FAM53C: variants seen among roughly 807,000 people sequenced by gnomAD.
FAM53C encodes the protein family with sequence similarity 53 member C, also known as protein FAM53C.
Under a neutral mutation model 34.7 loss-of-function variants are expected in FAM53C, and 10 were observed. That is an observed-to-expected ratio of 0.29 (90% confidence interval 0.18 to 0.49). The LOEUF (loss-of-function observed/expected upper bound fraction) is 0.49, where lower values mean the gene tolerates loss of function less well. Ranked by LOEUF, FAM53C falls within the 20% of genes least tolerant of loss-of-function variation. FAM53C has a pLI of 0.99. For synonymous variants in FAM53C, 203 were observed against 203.6 expected (o/e 1.00, Z 0.03); for missense variants, 442 against 515.3 (o/e 0.86, Z 1.38).
Position 138,348,954 on chromosome 5 carries a change from G to T in FAM53C, c.*1995G>T, listed in dbSNP as rs1028801449. The stretch of plus-strand genomic sequence containing the variant: ...TTCCAACAGGTTACTGGCAATGCCA[G>T]TGAGTTTCTGTAGGCCCTAAGCTGA... On this transcript the variant is annotated 3_prime_UTR_variant, in exon 5 of 5. Transcript: ENST00000239906. 5 of 152,302 alleles carry T rather than the reference G, an allele frequency of 3.3e-5. No individual in the cohort carries two copies. Among genetic ancestry groups the T allele is most frequent in the African/African-American group, 1.2e-4 (5 of 41,476 alleles). The allele number at this position is 152,302 out of a possible 1,614,324, so 9.4% of individuals were successfully genotyped here.
intron 1 of FAM53C, among the ~76,000 whole-genome samples, chr5:138,338,843 G>T (rs1030731597): frequency 6.6e-6 from 1 of 152,236 alleles, no homozygotes. Flanking sequence ...CTCCCCAGGA[G>T]GTGTGGGGCT....
At position 138,348,707 on chromosome 5, in the gene FAM53C, A is replaced by G. The variant is rs1219481441; in HGVS notation, c.*1748A>G. On this transcript the variant is annotated 3_prime_UTR_variant, in exon 5 of 5. Coordinates refer to ENST00000239906, the MANE Select transcript of FAM53C (RefSeq NM_016605.3). ...CTCTGGCCCTCAGAGGCTCCTCCCT[A>G]TCTCCTGGCTAGTTACCACTAGGCT... 1.3e-5 allele frequency: 2 copies of G among 152,028 alleles called. No homozygotes were observed. Among genetic ancestry groups the G allele is most frequent in the African/African-American group, 2.4e-5 (1 of 41,402 alleles). The allele number at this position is 152,028 out of a possible 1,614,324, so 9.4% of individuals were successfully genotyped here. A position where few individuals can be genotyped will look rare whatever the true frequency, so the allele number is the denominator to read the frequency against.
rs1761151889 is a variant in FAM53C at position 138,345,629 on chromosome 5, G to A, written c.921+20G>A. On this transcript the variant is annotated intron_variant, in intron 4 of 4. Transcript: ENST00000239906. This position sits in a 1 kb window ranked among gnomAD's most constrained non-coding sequence, Gnocchi z 6.3. ...AATCAGGTGGGACCAGCAAGACTAG[G>A]GGAGCTTAGATGGGAGTGTGGGGAC... 3 of 1,598,518 alleles carry A rather than the reference G, an allele frequency of 1.9e-6. No homozygotes were observed. In the African/African-American group the frequency reaches 4.0e-5, roughly 21 times the overall value.
At chr5:138,346,342 A>G (rs1342181923) in intron 4 of FAM53C, among the ~76,000 whole-genome samples, 1 of 152,240 alleles carries the variant, frequency 6.6e-6, no homozygotes, top group African/African-American at 2.4e-5. Context: ...AAAGTTTACA[A>G]ACGCCAGGCA....
chr5:138,338,341 C>G (rs1352000854), intron 1 of FAM53C, 34 bp downstream of exon 1: 2 of 447,676 alleles, frequency 4.5e-6, no homozygotes, highest in Non-Finnish European at 8.6e-6. Flanking sequence ...GCTGGGGCCT[C>G]GGGGCGGGCA....
chr5:138,345,755 C>A lies in FAM53C; in HGVS notation c.921+146C>A, dbSNP rs1408990464. On this transcript the variant is annotated intron_variant, in intron 4 of 4. Transcript: ENST00000239906. The surrounding 1 kb of genome is among the most constrained non-coding windows in gnomAD (Gnocchi z 6.3). ...GCTCTTAGCTAGGGTGACCTACCAT[C>A]CCAGTTTGCCTGGGACTGTCCCAGT... 7 of 966,992 alleles carry A rather than the reference C, an allele frequency of 7.2e-6. No homozygotes were observed. Among genetic ancestry groups the A allele is most frequent in the Non-Finnish European group, 1.1e-5 (7 of 658,294 alleles). 59.9% of individuals were successfully genotyped at this position (966,992 alleles called of 1,614,324 possible).
rs1761162379 is a variant in FAM53C, at chr5:138,345,940, C to G, written c.921+331C>G. Among the ~76,000 whole-genome samples the G allele has an allele frequency of 6.6e-6, 1 of 152,172 alleles. No individual in the cohort carries two copies. Among genetic ancestry groups the G allele is most frequent in the Admixed American group, 6.5e-5 (1 of 15,278 alleles). ...AGAATGCACAAGCTGCAAAAAATTC[C>G]ATCAGTACCTACTCCTTGTGCCCAA... On this transcript the variant is annotated intron_variant, in intron 4 of 4. Transcript: ENST00000239906. The surrounding 1 kb of genome is among the most constrained non-coding windows in gnomAD (Gnocchi z 6.3).
At chr5:138,341,633 T>C in intron 2 of FAM53C, 176 bp from the exon 3 acceptor site, 1 of 726,864 alleles carries the variant, frequency 1.4e-6, no homozygotes, top group Non-Finnish European at 2.4e-6. Context: ...GGGTTTGAGA[T>C]GTTGGAAGAT....
intron 1 of FAM53C, among the ~76,000 whole-genome samples, chr5:138,340,199 T>G (rs149536735): frequency 1.3e-5 from 2 of 152,338 alleles, no homozygotes; most frequent in African/African-American, 4.8e-5. Context: ...TCTGCCCACT[T>G]TACATATGGG....
chr5:138,338,852 C>G (rs566801701), intron 1 of FAM53C, among the ~76,000 whole-genome samples: 17 of 152,338 alleles, frequency 1.1e-4, no homozygotes, highest in African/African-American at 4.1e-4. Flanking sequence ...AGGTGTGGGG[C>G]TGGGACCTGA....
chr5:138,341,877 G>T lies in FAM53C; in HGVS notation c.136+11G>T. On this transcript the variant is annotated intron_variant, in intron 3 of 4. Coordinates refer to ENST00000239906, the MANE Select transcript of FAM53C (RefSeq NM_016605.3). Reference sequence around the variant, plus strand: ...TCCAGCTTGTGTCTGGTAAGGCATCGTGTGTGTTTGTGTACGTGTGTGTAC... The same window carrying T: ...TCCAGCTTGTGTCTGGTAAGGCATCTTGTGTGTTTGTGTACGTGTGTGTAC... 1 of 1,613,534 alleles carries T rather than the reference G, an allele frequency of 6.2e-7. No individual in the cohort carries two copies. Among genetic ancestry groups the T allele is most frequent in the Non-Finnish European group, 8.5e-7 (1 of 1,179,424 alleles).
At position 138,347,509 on chromosome 5, in the gene FAM53C, C is replaced by T. The variant is rs1761214987; in HGVS notation, c.*550C>T. Reference sequence around the variant, plus strand: ...TTTTTTACAGGATGTTGGGTTTGCTCAAGGAGTCAAGAGGAGGGCACCAAG... The same window carrying T: ...TTTTTTACAGGATGTTGGGTTTGCTTAAGGAGTCAAGAGGAGGGCACCAAG... On this transcript the variant is annotated 3_prime_UTR_variant, in exon 5 of 5. Coordinates refer to ENST00000239906, the MANE Select transcript of FAM53C (RefSeq NM_016605.3). The T allele has an allele frequency of 6.3e-6, 1 of 158,028 alleles. No homozygotes were observed. Among genetic ancestry groups the T allele is most frequent in the Non-Finnish European group, 1.4e-5 (1 of 71,020 alleles). The allele number at this position is 158,028 out of a possible 1,614,324, so 9.8% of individuals were successfully genotyped here.
intron 3 of FAM53C, 118 bp from the exon 4 acceptor site, chr5:138,344,707 C>T (rs760936921): frequency 2.5e-6 from 2 of 800,410 alleles, no homozygotes; most frequent in Non-Finnish European, 3.8e-6. Flanking sequence ...ATACTACCTA[C>T]CTCATAAGGT....
At chr5:138,339,124 C>T (rs1471056941) in intron 1 of FAM53C, among the ~76,000 whole-genome samples, 1 of 152,198 alleles carries the variant, frequency 6.6e-6, no homozygotes, top group African/African-American at 2.4e-5. Flanking sequence ...AGCCCCGTGC[C>T]AGTTGTTAAA....
intron 1 of FAM53C, among the ~76,000 whole-genome samples, chr5:138,338,881 G>A (rs1244301901): frequency 6.6e-6 from 1 of 152,238 alleles, no homozygotes; most frequent in African/African-American, 2.4e-5. Flanking sequence ...TCCCCAAAGG[G>A]TTTGTGACTC....
At chr5:138,346,394 G>A (rs1761175047) in intron 4 of FAM53C, among the ~76,000 whole-genome samples, 2 of 152,248 alleles carry the variant, frequency 1.3e-5, no homozygotes, top group Non-Finnish European at 2.9e-5. Context: ...GGGAGGCCAA[G>A]GCAGGCGGAT....
chr5:138,338,001 A>C, upstream of FAM53C: 1 of 1,289,666 alleles, frequency 7.8e-7, no homozygotes, highest in South Asian at 1.2e-5. Context: ...ATGTGCCTCC[A>C]ACTGGGGCCG....
At chr5:138,344,237 C>G (rs778558880) in intron 3 of FAM53C, among the ~76,000 whole-genome samples, 6 of 152,324 alleles carry the variant, frequency 3.9e-5, no homozygotes, top group Non-Finnish European at 8.8e-5. Context: ...GCCCAGGTTT[C>G]ACTGTCAAAG....
At chr5:138,341,769 TC>T in intron 2 of FAM53C, 39 bp from the exon 3 acceptor site, 1 of 1,591,126 alleles carries the variant, frequency 6.3e-7, no homozygotes. Context: ...TGTCAGTGTG[TC>T]CTGAATCCAA....
Sources: allele counts gnomAD v4.1 joint callset (sites outside exome capture counted in the v4.1 genomes callset), GRCh38; gene constraint gnomAD v4.1.1; non-coding constraint Gnocchi (gnomAD v3.1); transcripts MANE v1.5; gene names NCBI Gene and HGNC (gene_info 2026-07-23, HGNC 2026-07-21).